NAALADL2: variants seen among roughly 807,000 people sequenced by gnomAD.
NAALADL2 encodes N-acetylated alpha-linked acidic dipeptidase like 2.
In NAALADL2, 76 loss-of-function variants were observed where a neutral mutation model predicts 87.2. That is an observed-to-expected ratio of 0.87 (90% CI 0.72 to 1.05). The LOEUF is 1.05. Ranked by LOEUF, NAALADL2 falls within the 50% of genes least tolerant of loss-of-function variation. NAALADL2 has a pLI of 0.00. For synonymous variants in NAALADL2, 354 were observed against 331.0 expected, an observed-to-expected ratio of 1.07 and a Z score of -0.75; for missense variants, 1,089 against 945.8, an observed-to-expected ratio of 1.15 and a Z score of -1.99.
chr3:174,465,260 T>C (rs1260671316), intron 1 of NAALADL2, among the ~76,000 whole-genome samples: 2 of 152,132 alleles, frequency 1.3e-5, no homozygotes, highest in Non-Finnish European at 2.9e-5. Context: ...TTTGATAAAA[T>C]TGAACTGAAA....
rs184434011 is a variant in NAALADL2 at position 175,253,712 on chromosome 3, C to T, written c.820-2699C>T. ...AATGCCATTAGCCACATTTGTGGTT[C>T]GTGAGAGCAGGTCAAAATATCAGCA... is the stretch of plus-strand genomic sequence containing the variant. On this transcript the variant is annotated intron_variant, in intron 3 of 13. Coordinates refer to ENST00000454872, the MANE Select transcript of NAALADL2 (RefSeq NM_207015.3). 4.6e-5 allele frequency among the ~76,000 whole-genome samples: 7 copies of T among 152,228 alleles called. No individual in the cohort carries two copies. The East Asian group carries it at 7.7e-4, about 17-fold the overall frequency.
At chr3:175,637,022 A>G (rs1394853662) in intron 11 of NAALADL2, among the ~76,000 whole-genome samples, 1 of 152,216 alleles carries the variant, frequency 6.6e-6, no homozygotes, top group Non-Finnish European at 1.5e-5. Flanking sequence ...TTTGTTGAGA[A>G]CAAGTGGTCA....
chr3:175,354,194 C>T (rs755123782), intron 5 of NAALADL2, among the ~76,000 whole-genome samples: 3 of 152,086 alleles, frequency 2.0e-5, no homozygotes, highest in Admixed American at 6.6e-5. Context: ...TGTACCTTAT[C>T]GATGACACCT....
At chr3:175,269,904 TG>T (rs570129775) in intron 4 of NAALADL2, among the ~76,000 whole-genome samples, 30 of 152,316 alleles carry the variant, frequency 2.0e-4, no homozygotes, top group African/African-American at 7.2e-4. Flanking sequence ...TACTTTCACA[TG>T]GTTCAGAATG....
At chr3:174,723,499 C>A (rs200110976) in intron 2 of NAALADL2, among the ~76,000 whole-genome samples, 1 of 152,156 alleles carries the variant, frequency 6.6e-6, no homozygotes, top group Non-Finnish European at 1.5e-5. Context: ...CTCACACCTG[C>A]AATCCCAGCA....
chr3:174,741,081 T>C (rs984138776), intron 3 of NAALADL2, among the ~76,000 whole-genome samples: 26 of 151,794 alleles, frequency 1.7e-4, no homozygotes, highest in African/African-American at 6.3e-4. Context: ...TGGTTTCATA[T>C]ACAATCTTAC....
intron 4 of NAALADL2, among the ~76,000 whole-genome samples, chr3:175,268,957 T>C (rs553287964): frequency 6.4e-4 from 91 of 143,296 alleles, no homozygotes; most frequent in African/African-American, 2.3e-3. Flanking sequence ...TTTTTTTTTT[T>C]TGAGACGGTC....
intron 9 of NAALADL2, among the ~76,000 whole-genome samples, chr3:175,505,271 A>G (rs1730145669): frequency 6.6e-6 from 1 of 151,830 alleles, no homozygotes; most frequent in Non-Finnish European, 1.5e-5. Context: ...CTCGAGAAAA[A>G]AAAAAAAAAA....
At chr3:174,859,330 A>G (rs1372215171), upstream of NAALADL2, 4 of 1,036,220 alleles carry the variant, frequency 3.9e-6, no homozygotes, top group Non-Finnish European at 4.5e-6. Flanking sequence ...TACAGTAGAA[A>G]GTCAGAAGGT....
At position 174,754,444 on chromosome 3, in the gene NAALADL2, G is replaced by A. The variant is rs189212322; in HGVS notation, c.-9+16698G>A. Among the ~76,000 whole-genome samples the A allele has an allele frequency of 2.4e-4, 35 of 147,556 alleles. No individual in the cohort carries two copies. The Middle Eastern group carries it at 0.011, about 48-fold the overall frequency. On this transcript the variant is annotated intron_variant, in intron 3 of 3. Transcript: ENST00000434257. ...TAAAATAAGGAAAGTATATTTCCAC[G>A]TATGCAAAATTACAGAGCTATCTTT...
intron 3 of NAALADL2, among the ~76,000 whole-genome samples, chr3:175,239,430 A>G (rs1459922628): frequency 6.6e-6 from 1 of 152,188 alleles, no homozygotes; most frequent in Non-Finnish European, 1.5e-5. Flanking sequence ...TTTCTATGCA[A>G]TTATTTCTTT....
intron 3 of NAALADL2, among the ~76,000 whole-genome samples, chr3:174,839,508 C>T (rs926197068): frequency 1.3e-5 from 2 of 152,098 alleles, no homozygotes; most frequent in African/African-American, 4.8e-5. Context: ...CTTAATTAAA[C>T]TAAAGAGCTT....
At chr3:175,786,598 C>T (rs1315335852) in intron 13 of NAALADL2, among the ~76,000 whole-genome samples, 1 of 151,836 alleles carries the variant, frequency 6.6e-6, no homozygotes, top group Non-Finnish European at 1.5e-5. Flanking sequence ...GTTATACATT[C>T]TTCTAAATTT....
intron 9 of NAALADL2, among the ~76,000 whole-genome samples, chr3:175,514,551 G>A (rs922572413): frequency 3.9e-5 from 6 of 152,034 alleles, no homozygotes; most frequent in African/African-American, 7.2e-5. Context: ...TTGTGATCTC[G>A]CTCCTTTACC....
intron 10 of NAALADL2, 132 bp downstream of exon 10, chr3:175,576,319 T>C: frequency 1.3e-6 from 1 of 756,376 alleles, no homozygotes; most frequent in Non-Finnish European, 2.1e-6. Flanking sequence ...TAGAGAGTTA[T>C]TCTTGCTTTT....
intron 11 of NAALADL2, among the ~76,000 whole-genome samples, chr3:175,700,062 T>C (rs1009390934): frequency 3.3e-5 from 5 of 152,148 alleles, no homozygotes; most frequent in Non-Finnish European, 7.4e-5. Flanking sequence ...CAGAAGTATT[T>C]ACTTCCCTTA....
intron 6 of NAALADL2, among the ~76,000 whole-genome samples, chr3:175,459,021 C>G (rs925710154): frequency 6.6e-6 from 1 of 152,080 alleles, no homozygotes; most frequent in African/African-American, 2.4e-5. Context: ...CACACACACA[C>G]CTAGACACTA....
At chr3:175,160,442 T>G (rs1281752252) in intron 2 of NAALADL2, among the ~76,000 whole-genome samples, 1 of 114,348 alleles carries the variant, frequency 8.7e-6, no homozygotes, top group Non-Finnish European at 1.7e-5. Context: ...AACCTCCACC[T>G]CCCAGTTTCA....
chr3:175,712,241 C>A (rs1201411685), intron 11 of NAALADL2, among the ~76,000 whole-genome samples: 1 of 152,006 alleles, frequency 6.6e-6, no homozygotes, highest in Admixed American at 6.6e-5. Flanking sequence ...TATGTCCTTT[C>A]TTCCCTATTG....
Sources: allele counts gnomAD v4.1 joint callset (sites outside exome capture counted in the v4.1 genomes callset), GRCh38; gene constraint gnomAD v4.1.1; transcripts MANE v1.5; gene names NCBI Gene and HGNC (gene_info 2026-07-23, HGNC 2026-07-21).